The following IL23R variants were observed in gnomAD, a reference collection of about 807,000 sequenced individuals.
The protein encoded by IL23R is interleukin-23 receptor.
A neutral mutation model predicts 56.9 loss-of-function variants in IL23R; 34 were observed. That is an observed-to-expected ratio of 0.60 (90% CI 0.45 to 0.80). The LOEUF (loss-of-function observed/expected upper bound fraction) is 0.80. Among genes scored for constraint, IL23R ranks in the 30% least tolerant of loss-of-function variants. The pLI is 0.00. For synonymous variants in IL23R, 230 were observed against 249.2 expected, an observed-to-expected ratio of 0.92 and a Z score of 0.73; for missense variants, 635 against 730.0, an observed-to-expected ratio of 0.87 and a Z score of 1.50.
At chr1:67,264,971 A>T (rs1175178798), downstream of IL23R, among the ~76,000 whole-genome samples, 1 of 152,226 alleles carries the variant, frequency 6.6e-6, no homozygotes, top group East Asian at 1.9e-4. Context: ...CAACAGTGTT[A>T]CAGAAGCATA....
intron 4 of IL23R, among the ~76,000 whole-genome samples, chr1:67,196,502 C>T (rs1291986101): frequency 6.6e-6 from 1 of 152,180 alleles, no homozygotes; most frequent in Admixed American, 6.5e-5. Flanking sequence ...ATTTGTGCCA[C>T]TGCACTCAAA....
chr1:67,150,202 T>A (rs1017581201), intron 1 of IL23R, among the ~76,000 whole-genome samples: 5 of 151,736 alleles, frequency 3.3e-5, no homozygotes, highest in Non-Finnish European at 1.5e-5. Flanking sequence ...CAGGTTCATA[T>A]GACCCAACCA....
intron 6 of IL23R, among the ~76,000 whole-genome samples, chr1:67,211,627 A>G (rs924514930): frequency 3.4e-5 from 4 of 118,338 alleles, no homozygotes; most frequent in African/African-American, 6.1e-5. Context: ...TCTCCAGAGG[A>G]AAAAAAAAAA....
chr1:67,228,378 T>TTTTTTTTTTG (rs1491472874), intron 7 of IL23R, among the ~76,000 whole-genome samples: 2 of 132,448 alleles, frequency 1.5e-5, no homozygotes, highest in Non-Finnish European at 3.2e-5. Flanking sequence ...TTTTTTTTTT[T>TTTTTTTTTTG]GTAGAGACAG....
upstream of IL23R, among the ~76,000 whole-genome samples, chr1:67,165,257 T>C: frequency 6.6e-6 from 1 of 152,012 alleles, no homozygotes; most frequent in Non-Finnish European, 1.5e-5. Context: ...AAACTACAAT[T>C]AGATATCACT....
intron 6 of IL23R, among the ~76,000 whole-genome samples, chr1:67,211,356 C>T (rs1288653451): frequency 6.6e-6 from 1 of 152,220 alleles, no homozygotes; most frequent in African/African-American, 2.4e-5. Context: ...TGCAGTGGCT[C>T]ATGCCTGTAA....
intron 4 of IL23R, among the ~76,000 whole-genome samples, chr1:67,194,963 T>C (rs1309261150): frequency 6.6e-6 from 1 of 152,266 alleles, no homozygotes; most frequent in Non-Finnish European, 1.5e-5. Flanking sequence ...GAAATTTTAC[T>C]GGTAAGAAAT....
Position 67,227,976 on chromosome 1 carries a change from T to TTC in IL23R, c.955+8248_955+8249dup, listed in dbSNP as rs1168732355. ...TTTCTTTCTTTCTTTCTTTCTTTCTTTCTTTCTTTCTTTCTTTCTTTCTTT... is the reference window on the plus strand; with the variant it reads ...TTTCTTTCTTTCTTTCTTTCTTTCTTTCTCTTTCTTTCTTTCTTTCTTTCTTT... On this transcript the variant is annotated intron_variant, in intron 7 of 10. Coordinates refer to ENST00000347310, the MANE Select transcript of IL23R (RefSeq NM_144701.3). Among the ~76,000 whole-genome samples, 24 of 87,346 alleles carry TTC rather than the reference T, an allele frequency of 2.7e-4. 2 individuals are homozygous for TTC. Among genetic ancestry groups the TTC allele is most frequent in the Admixed American group, 1.5e-3 (11 of 7,348 alleles). The allele number at this position is 87,346 out of a possible 152,430, so 57.3% of individuals were successfully genotyped here.
intron 8 of IL23R, among the ~76,000 whole-genome samples, chr1:67,238,241 G>A (rs964991776): frequency 3.9e-5 from 6 of 151,988 alleles, no homozygotes; most frequent in East Asian, 3.9e-4. Context: ...CCAGCTACTT[G>A]GGAGGCTGAG....
downstream of IL23R, among the ~76,000 whole-genome samples, chr1:67,263,137 G>A (rs534670551): frequency 1.1e-5 from 1 of 91,538 alleles, no homozygotes; most frequent in South Asian, 3.9e-4. Flanking sequence ...TTTTTTAACA[G>A]GTCACCCAGG....
intron 7 of IL23R, among the ~76,000 whole-genome samples, chr1:67,227,082 T>G (rs887026592): frequency 1.3e-5 from 2 of 152,322 alleles, no homozygotes; most frequent in East Asian, 3.9e-4. Flanking sequence ...CCACCAACCT[T>G]GATAGGCACT....
At chr1:67,152,528 C>T (rs930829911) in intron 1 of IL23R, among the ~76,000 whole-genome samples, 9 of 152,118 alleles carry the variant, frequency 5.9e-5, no homozygotes, top group African/African-American at 2.2e-4. Context: ...TTGTCTTGTG[C>T]CAGTTTCCAA....
At chr1:67,164,933 C>T (rs952062836), upstream of IL23R, among the ~76,000 whole-genome samples, 9 of 151,994 alleles carry the variant, frequency 5.9e-5, no homozygotes, top group South Asian at 4.1e-4. Flanking sequence ...ATGAGCTGGG[C>T]GTGGTGGCTC....
intron 1 of IL23R, 136 bp from the exon 2 acceptor site, chr1:67,167,956 C>T: frequency 5.0e-6 from 3 of 596,426 alleles, no homozygotes; most frequent in South Asian, 4.4e-5. Flanking sequence ...TCCTTCCTTT[C>T]TTCCTTCCTT....
Position 67,258,487 on chromosome 1 carries a change from G to C in IL23R, c.1249G>C (p.Glu417Gln). The change falls in exon 11 of 11, where the codon GAA (glutamate) becomes CAA (glutamine). Residue 417 changes from glutamate to glutamine, a missense_variant. Coordinates refer to ENST00000347310, the MANE Select transcript of IL23R (RefSeq NM_144701.3). Reference protein sequence around the residue: ...NVVKMLQENSELMNNNSSEQV... With the variant: ...NVVKMLQENSQLMNNNSSEQV... ...TGTCTTTTTTTCCTAGGAAAATAGT[G>C]AACTTATGAATAATAATTCCAGTGA... The C allele has an allele frequency of 6.3e-7, 1 of 1,595,338 alleles. No homozygotes were observed. Among genetic ancestry groups the C allele is most frequent in the South Asian group, 1.1e-5 (1 of 87,416 alleles).
chr1:67,255,648 A>G (rs1379387705), intron 9 of IL23R, among the ~76,000 whole-genome samples, 189 bp from the exon 10 acceptor site: 1 of 152,092 alleles, frequency 6.6e-6, no homozygotes, highest in Non-Finnish European at 1.5e-5. Flanking sequence ...TATGTTGCCC[A>G]GGCTGGTCTC....
At chr1:67,252,208 T>C (rs1010149345) in intron 9 of IL23R, among the ~76,000 whole-genome samples, 9 of 152,330 alleles carry the variant, frequency 5.9e-5, no homozygotes, top group Admixed American at 1.3e-4. Context: ...TGCTTTCAGG[T>C]TCCCTTGATG....
In IL23R at chr1:67,169,610, G is replaced by A. The variant is rs1490465214; in HGVS notation, c.339G>A (p.Leu113=). 3 of 1,614,108 alleles carry A rather than the reference G, an allele frequency of 1.9e-6. No homozygotes were observed. In the African/African-American group the frequency reaches 4.0e-5, roughly 22 times the overall value. Residue 113 remains leucine (L), a synonymous_variant, in exon 3 of 11, where the codon CTG becomes CTA. Transcript: ENST00000347310. ...GTCCCAAACATTTTCAAGAGACACT[G>A]ATATGTGGAAAAGACATTTCTTCTG... The part of the protein sequence containing the change: ...AECPKHFQET[L]ICGKDISSGY...
At chr1:67,260,624 T>C (rs1309635491), downstream of IL23R, among the ~76,000 whole-genome samples, 2 of 152,140 alleles carry the variant, frequency 1.3e-5, no homozygotes, top group African/African-American at 4.8e-5. Context: ...TATGGAAAAG[T>C]GGTTGATCTT....
Sources: allele counts gnomAD v4.1 joint callset (sites outside exome capture counted in the v4.1 genomes callset), GRCh38; gene constraint gnomAD v4.1.1; transcripts MANE v1.5; gene names NCBI Gene and HGNC (gene_info 2026-07-23, HGNC 2026-07-21).